Variants in SHISA9 observed in about 807,000 individuals in gnomAD.
SHISA9 encodes shisa family member 9.
In SHISA9, 13 loss-of-function variants were observed where a neutral mutation model predicts 38.0. The ratio of observed to expected loss-of-function variants is 0.34; its 90% CI spans 0.22 to 0.54. SHISA9 has a LOEUF of 0.54. Ranked by LOEUF, SHISA9 falls within the 20% of genes least tolerant of loss-of-function variation. The probability of loss-of-function intolerance (pLI) is 0.91; values close to 1 mark genes in which losing one functional copy is unlikely to be tolerated. For synonymous variants in SHISA9, 275 were observed against 242.0 expected (o/e 1.14, Z -1.27); for missense variants, 538 against 575.8 (o/e 0.93, Z 0.67).
At chr16:13,444,876 G>A in the SHISA9 span, among the ~76,000 whole-genome samples, 1 of 150,388 alleles carries the variant, frequency 6.6e-6, no homozygotes, top group Non-Finnish European at 1.5e-5. Flanking sequence ...GGAGTGCAGT[G>A]GTGCAACCTC....
At chr16:13,005,875 C>T (rs746886473) in intron 2 of SHISA9, among the ~76,000 whole-genome samples, 19 of 152,196 alleles carry the variant, frequency 1.2e-4, no homozygotes, top group Non-Finnish European at 2.1e-4. Context: ...TTTAGAAAGG[C>T]GTTGCTGCCA....
At chr16:13,150,192 C>G (rs1031814878) in intron 2 of SHISA9, among the ~76,000 whole-genome samples, 2 of 152,006 alleles carry the variant, frequency 1.3e-5, no homozygotes, top group Non-Finnish European at 2.9e-5. Context: ...TCAGGAGTTC[C>G]CTAAATCTAC....
At chr16:13,090,863 G>A (rs2073767755) in intron 2 of SHISA9, among the ~76,000 whole-genome samples, 1 of 152,180 alleles carries the variant, frequency 6.6e-6, no homozygotes, top group African/African-American at 2.4e-5. Context: ...TGTTTTGCCT[G>A]TTAATTGATG....
the SHISA9 span, chr16:13,332,556 A>T: frequency 6.6e-6 from 1 of 152,186 alleles, no homozygotes. Flanking sequence ...GAAGCTTCAA[A>T]TTGGATTTAA....
chr16:13,529,126 TGG>T, the SHISA9 span, among the ~76,000 whole-genome samples: 5 of 152,234 alleles, frequency 3.3e-5, no homozygotes, highest in Non-Finnish European at 7.3e-5. Flanking sequence ...TTTTGCAGTT[TGG>T]ACACAATTAA....
the SHISA9 span, among the ~76,000 whole-genome samples, chr16:13,354,062 C>T: frequency 6.8e-6 from 1 of 147,524 alleles, no homozygotes; most frequent in Non-Finnish European, 1.5e-5. Flanking sequence ...AGTTATCTGA[C>T]TCAGGGCATG....
chr16:13,084,952 G>C (rs1213829071), intron 2 of SHISA9, among the ~76,000 whole-genome samples: 1 of 152,154 alleles, frequency 6.6e-6, no homozygotes, highest in Non-Finnish European at 1.5e-5. Context: ...TGGAGATCAT[G>C]GTGAGAATGG....
chr16:13,309,622 G>A, the SHISA9 span, among the ~76,000 whole-genome samples: 4 of 137,266 alleles, frequency 2.9e-5, no homozygotes, highest in African/African-American at 1.1e-4. Context: ...CAGCCTGGGT[G>A]ACAGAGAGAG....
intron 2 of SHISA9, among the ~76,000 whole-genome samples, chr16:12,943,326 TGTGTGAGAGA>T (rs2071644341): frequency 1.0e-4 from 2 of 19,972 alleles, no homozygotes; most frequent in Non-Finnish European, 1.9e-4. Flanking sequence ...TGTGTGTGTG[TGTGTGAGAGA>T]GAGAGAGAGA....
chr16:12,984,548 G>A (rs542384624), intron 2 of SHISA9, among the ~76,000 whole-genome samples: 1 of 152,308 alleles, frequency 6.6e-6, no homozygotes, highest in South Asian at 2.1e-4. Context: ...TCAGTAATCA[G>A]CTCTTGTAAG....
chr16:12,984,080 G>A (rs1363904482), intron 2 of SHISA9, among the ~76,000 whole-genome samples: 1 of 152,078 alleles, frequency 6.6e-6, no homozygotes, highest in African/African-American at 2.4e-5. Context: ...CTCTTCATAT[G>A]GGACCTGGCA....
intron 3 of SHISA9, among the ~76,000 whole-genome samples, chr16:13,212,209 G>T (rs2051127616): frequency 6.6e-6 from 1 of 152,170 alleles, no homozygotes; most frequent in African/African-American, 2.4e-5. Context: ...AAACTGTTGA[G>T]GACTTGGTCT....
chr16:13,141,308 T>G (rs1184271245), intron 2 of SHISA9, among the ~76,000 whole-genome samples: 1 of 152,124 alleles, frequency 6.6e-6, no homozygotes, highest in Non-Finnish European at 1.5e-5. Context: ...GCAGTCACTT[T>G]ATGAGCTGAG....
intron 2 of SHISA9, among the ~76,000 whole-genome samples, chr16:13,093,449 A>T (rs117017213): frequency 2.6e-5 from 4 of 152,208 alleles, no homozygotes; most frequent in Non-Finnish European, 5.9e-5. Context: ...CAAAGGGTCC[A>T]TACAAGAGGA....
At chr16:12,949,395 T>G (rs537172538) in intron 2 of SHISA9, among the ~76,000 whole-genome samples, 16 of 152,326 alleles carry the variant, frequency 1.1e-4, no homozygotes, top group Non-Finnish European at 2.2e-4. Context: ...TCACTGGCTG[T>G]GGACTGCTCC....
chr16:13,551,195 C>T, the SHISA9 span, among the ~76,000 whole-genome samples: 2 of 151,972 alleles, frequency 1.3e-5, no homozygotes, highest in Non-Finnish European at 2.9e-5. Flanking sequence ...CTTTCTTACA[C>T]ACAGACACAC....
chr16:12,921,964 T>A (rs1300348290), intron 2 of SHISA9, among the ~76,000 whole-genome samples: 1 of 152,200 alleles, frequency 6.6e-6, no homozygotes, highest in African/African-American at 2.4e-5. Flanking sequence ...GTTTTTGCCA[T>A]CATAAGGATG....
At chr16:13,143,931 C>T (rs987000632) in intron 2 of SHISA9, among the ~76,000 whole-genome samples, 1 of 152,116 alleles carries the variant, frequency 6.6e-6, no homozygotes, top group South Asian at 2.1e-4. Flanking sequence ...TATTTTATCC[C>T]CCAGAAATCT....
chr16:12,968,249 T>C (rs1011745165), intron 2 of SHISA9, among the ~76,000 whole-genome samples: 34 of 136,892 alleles, frequency 2.5e-4, no homozygotes, highest in Non-Finnish European at 4.0e-4. Flanking sequence ...GCTACATATA[T>C]CCCATATCAT....
Sources: allele counts gnomAD v4.1 joint callset (sites outside exome capture counted in the v4.1 genomes callset), GRCh38; gene constraint gnomAD v4.1.1; transcripts MANE v1.5; gene names NCBI Gene and HGNC (gene_info 2026-07-23, HGNC 2026-07-21).